The following MIX23 variants were observed in gnomAD, a reference collection of about 807,000 sequenced individuals.
MIX23 encodes mitochondrial matrix import factor 23.
In MIX23, 13 loss-of-function variants were observed where a neutral mutation model predicts 21.6. The observed-to-expected ratio is 0.60, with a 90% confidence interval of 0.39 to 0.96. The LOEUF (loss-of-function observed/expected upper bound fraction) is 0.96. Among genes scored for constraint, MIX23 ranks in the 40% least tolerant of loss-of-function variants. The pLI is 0.00. For missense variants in MIX23, 144 were observed against 171.2 expected (o/e 0.84, Z 0.89); for synonymous variants, 59 against 58.0 (o/e 1.02, Z -0.08).
rs2075444008 is a variant in MIX23, at chr3:122,371,783, C to T, written c.69G>A (p.Met23Ile). The change falls in exon 2 of 5, where the codon ATG becomes ATA. Residue 23 changes from methionine (M) to isoleucine (I), a missense_variant. Coordinates refer to ENST00000291458, the MANE Select transcript of MIX23 (RefSeq NM_001017928.4). Reference protein sequence around the residue: ...FAEFQELLKVMRTIDDRIVHE... With the variant: ...FAEFQELLKVIRTIDDRIVHE... ...GTACTATTCTGTCATCAATTGTCCTCATCACCTTGAGTAATTCCTATATGT... is the reference window on the plus strand; with the variant it reads ...GTACTATTCTGTCATCAATTGTCCTTATCACCTTGAGTAATTCCTATATGT... 6 of 1,602,428 alleles carry T rather than the reference C, an allele frequency of 3.7e-6. No homozygotes were observed. Among genetic ancestry groups the T allele is most frequent in the Non-Finnish European group, 4.3e-6 (5 of 1,169,858 alleles).
chr3:122,362,871 A>T, intron 4 of MIX23, 97 bp downstream of exon 4: 1 of 851,936 alleles, frequency 1.2e-6, no homozygotes, highest in Non-Finnish European at 1.9e-6. Flanking sequence ...TACTTTCCTT[A>T]CAGCCTCAAG....
intron 4 of MIX23, 111 bp from the exon 5 acceptor site, chr3:122,360,030 G>T: frequency 3.8e-6 from 4 of 1,062,950 alleles, no homozygotes; most frequent in Non-Finnish European, 5.6e-6. Flanking sequence ...TTTGTCCTAA[G>T]TCAACAGATT....
At chr3:122,377,432 A>AG (rs1446563154) in intron 1 of MIX23, among the ~76,000 whole-genome samples, 1 of 152,210 alleles carries the variant, frequency 6.6e-6, no homozygotes, top group Admixed American at 6.5e-5. Flanking sequence ...TAGAAAGCGA[A>AG]GGAGGCCAAT....
chr3:122,362,822 G>A, intron 4 of MIX23, 146 bp downstream of exon 4: 6 of 387,168 alleles, frequency 1.5e-5, no homozygotes, highest in South Asian at 5.7e-5. Context: ...AACCCCAAAA[G>A]GTTACAATCC....
intron 3 of MIX23, among the ~76,000 whole-genome samples, chr3:122,366,069 T>C (rs111289055): frequency 0.17 from 25,900 of 151,586 alleles, 2,389 homozygotes; most frequent in Middle Eastern, 0.27. Context: ...CCCCAGCTAC[T>C]AGGGAGGCTG....
intron 1 of MIX23, among the ~76,000 whole-genome samples, chr3:122,376,756 A>C (rs1485987950): frequency 2.0e-5 from 3 of 152,256 alleles, no homozygotes; most frequent in Non-Finnish European, 4.4e-5. Flanking sequence ...ATGGTAGCTA[A>C]ACAATGGGTA....
At chr3:122,372,773 G>A (rs2075452082) in intron 1 of MIX23, among the ~76,000 whole-genome samples, 1 of 152,128 alleles carries the variant, frequency 6.6e-6, no homozygotes, top group African/African-American at 2.4e-5. Context: ...CAAGGCTGCA[G>A]TGAGCTATGA....
At chr3:122,369,678 G>T (rs2075424731) in intron 2 of MIX23, among the ~76,000 whole-genome samples, 1 of 152,140 alleles carries the variant, frequency 6.6e-6, no homozygotes. Context: ...AGCTTATCCT[G>T]ATTCAACAAG....
At chr3:122,372,394 C>T (rs148092100) in intron 1 of MIX23, among the ~76,000 whole-genome samples, 152 of 152,262 alleles carry the variant, frequency 1.0e-3, no homozygotes, top group Non-Finnish European at 1.7e-3. Context: ...AGCTACATCT[C>T]GTCTTCAGTT....
intron 1 of MIX23, among the ~76,000 whole-genome samples, chr3:122,382,399 C>T (rs923100172): frequency 2.0e-5 from 3 of 152,160 alleles, no homozygotes; most frequent in Non-Finnish European, 4.4e-5. Context: ...ACCTTCAAAC[C>T]GTTCAAAGTA....
intron 2 of MIX23, among the ~76,000 whole-genome samples, chr3:122,370,096 T>C (rs1463979383): frequency 1.3e-5 from 2 of 152,176 alleles, no homozygotes; most frequent in East Asian, 3.8e-4. Context: ...CACTTTATAA[T>C]TCAATGCGCC....
At chr3:122,376,410 G>T (rs2075487488) in intron 1 of MIX23, among the ~76,000 whole-genome samples, 2 of 152,054 alleles carry the variant, frequency 1.3e-5, no homozygotes, top group Admixed American at 6.5e-5. Flanking sequence ...CTGAGGTCAG[G>T]AGTTCAAGAC....
intron 3 of MIX23, 43 bp downstream of exon 3, chr3:122,368,133 T>A (rs774231510): frequency 6.3e-7 from 1 of 1,597,120 alleles, no homozygotes; most frequent in East Asian, 2.2e-5. Context: ...AGGCTACAAT[T>A]GGAAAAACTT....
chr3:122,383,183 G>A lies in MIX23; in HGVS notation c.42C>T (p.Ala14=), dbSNP rs776886799. Residue 14 remains alanine (A), a synonymous_variant, in exon 1 of 5, where the codon GCC becomes GCT. Coordinates refer to ENST00000291458, the MANE Select transcript of MIX23 (RefSeq NM_001017928.4). ...PSGGVNCEEF[A]EFQELLKVMR... ...AGGAAAACCCCATCACCTGGAACTC[G>A]GCGAACTCCTCACAGTTCACACCGC... 1.2e-6 allele frequency: 2 copies of A among 1,613,528 alleles called. No homozygotes were observed. Among genetic ancestry groups the A allele is most frequent in the African/African-American group, 1.3e-5 (1 of 74,908 alleles).
intron 4 of MIX23, among the ~76,000 whole-genome samples, chr3:122,362,665 C>T (rs143124715): frequency 1.3e-3 from 193 of 152,072 alleles, no homozygotes; most frequent in African/African-American, 4.5e-3. Context: ...TTAGTAGACA[C>T]CTGACTTCAG....
At chr3:122,376,437 G>A (rs1354977447) in intron 1 of MIX23, among the ~76,000 whole-genome samples, 1 of 151,838 alleles carries the variant, frequency 6.6e-6, no homozygotes, top group Non-Finnish European at 1.5e-5. Context: ...GGACAACACG[G>A]TGAAACCCCA....
At chr3:122,381,901 C>G (rs761911205) in intron 1 of MIX23, among the ~76,000 whole-genome samples, 1 of 152,026 alleles carries the variant, frequency 6.6e-6, no homozygotes, top group Non-Finnish European at 1.5e-5. Context: ...CTTTTTCCCC[C>G]CTTAAATCAA....
chr3:122,372,089 G>T (rs2075445721), intron 1 of MIX23, among the ~76,000 whole-genome samples: 2 of 152,094 alleles, frequency 1.3e-5, no homozygotes, highest in African/African-American at 4.8e-5. Context: ...CTGGCACGGT[G>T]TTTAGCAAAC....
Position 122,359,666 on chromosome 3 carries a change from G to A in MIX23, c.*203C>T, listed in dbSNP as rs1296197484. On this transcript the variant is annotated 3_prime_UTR_variant, in exon 5 of 5. Coordinates refer to ENST00000291458, the MANE Select transcript of MIX23 (RefSeq NM_001017928.4). ...TTTTTTACAGAATCAGTATAAAATA[G>A]CAGTTGATTTCTCCATAATTATCAG... 2.9e-5 allele frequency: 10 copies of A among 342,970 alleles called. No homozygotes were observed. Among genetic ancestry groups the A allele is most frequent in the African/African-American group, 5.0e-5 (2 of 40,130 alleles). The allele number at this position is 342,970 out of a possible 1,614,324, so 21.2% of individuals were successfully genotyped here.
Sources: allele counts gnomAD v4.1 joint callset (sites outside exome capture counted in the v4.1 genomes callset), GRCh38; gene constraint gnomAD v4.1.1; transcripts MANE v1.5; gene names NCBI Gene and HGNC (gene_info 2026-07-23, HGNC 2026-07-21).